Variants in POF1B observed in about 807,000 individuals in gnomAD.
The protein encoded by POF1B is protein POF1B.
Under a neutral mutation model 55.3 loss-of-function variants are expected in POF1B, and 53 were observed. That is an observed-to-expected ratio of 0.96 (90% CI 0.77 to 1.20). The LOEUF (loss-of-function observed/expected upper bound fraction) is 1.20, where lower values mean the gene tolerates loss of function less well. Among genes scored for constraint, POF1B ranks in the 50% most tolerant of loss-of-function variants. POF1B has a pLI of 0.00. For synonymous variants in POF1B, 188 were observed against 148.3 expected (o/e 1.27, Z -1.95); for missense variants, 478 against 420.5 (o/e 1.14, Z -1.20).
At chrX:85,288,019 A>C (rs905295511) in intron 15 of POF1B, among the ~76,000 whole-genome samples, 1 of 111,916 alleles carries the variant, frequency 8.9e-6, no homozygotes, top group Non-Finnish European at 1.9e-5. Context: ...AGAATGGAGA[A>C]GTAAGGAGTT....
chrX:85,343,993 C>T (rs780278520), intron 6 of POF1B, among the ~76,000 whole-genome samples: 1 of 111,237 alleles, frequency 9.0e-6, no homozygotes, highest in East Asian at 2.8e-4. Context: ...ATAAGGACAA[C>T]AATAGCACCT....
chrX:85,296,382 A>C (rs374793636), intron 15 of POF1B, among the ~76,000 whole-genome samples: 1 of 111,976 alleles, frequency 8.9e-6, no homozygotes, highest in Non-Finnish European at 1.9e-5. Flanking sequence ...AGATATAATT[A>C]TTTCATTTCC....
At chrX:85,303,240 G>T (rs73627352) in intron 15 of POF1B, among the ~76,000 whole-genome samples, 166 bp downstream of exon 15, 71 of 110,807 alleles carry the variant, frequency 6.4e-4, no homozygotes, top group African/African-American at 2.3e-3. Context: ...GGATTTTTTT[G>T]ACCACAATAG....
intron 11 of POF1B, 140 bp downstream of exon 11, chrX:85,307,023 G>C: frequency 2.2e-6 from 1 of 445,751 alleles, no homozygotes; most frequent in Non-Finnish European, 3.8e-6. Flanking sequence ...AATACCCAAA[G>C]CCACTCAATT....
At chrX:85,290,310 T>C (rs1256405512) in intron 15 of POF1B, among the ~76,000 whole-genome samples, 2 of 111,728 alleles carry the variant, frequency 1.8e-5, no homozygotes, top group Non-Finnish European at 3.8e-5. Context: ...GGCTGCACAG[T>C]ATTACATGGT....
chrX:85,354,230 A>C (rs1302425652), intron 4 of POF1B, among the ~76,000 whole-genome samples: 1 of 110,926 alleles, frequency 9.0e-6, no homozygotes, highest in African/African-American at 3.3e-5. Context: ...TAATATTGTA[A>C]TATAATATTT....
chrX:85,331,767 A>G (rs2147925672), intron 6 of POF1B, among the ~76,000 whole-genome samples: 1 of 111,055 alleles, frequency 9.0e-6, no homozygotes, highest in Admixed American at 9.6e-5. Context: ...GCCTCTTGCT[A>G]CCACTATTCT....
intron 15 of POF1B, among the ~76,000 whole-genome samples, chrX:85,298,521 T>G (rs971990973): frequency 8.9e-6 from 1 of 111,807 alleles, no homozygotes; most frequent in African/African-American, 3.3e-5. Flanking sequence ...TTTTCCCAGC[T>G]TTCTCCCTAT....
At chrX:85,312,305 T>C (rs751318750) in intron 9 of POF1B, among the ~76,000 whole-genome samples, 1 of 112,253 alleles carries the variant, frequency 8.9e-6, no homozygotes, top group East Asian at 2.8e-4. Flanking sequence ...TTTATGGTTT[T>C]AGGTCTTACC....
Position 85,304,353 on chromosome X carries a change from C to T in POF1B, c.1556G>A (p.Arg519His), listed in dbSNP as rs774259150. ...LLEEKDSLIK[R>H]QSEELSKLRQ... ...CCCTTCCTTTTATACCTCTGACTGA[C>T]GCTTTATGAGGGAATCCTTCTCTTC... Residue 519 changes from arginine to histidine, a missense_variant, in exon 14 of 17, where the codon CGT (arginine) becomes CAT (histidine). Coordinates refer to ENST00000262753, the MANE Select transcript of POF1B (RefSeq NM_024921.4). 2.2e-5 allele frequency: 26 copies of T among 1,181,989 alleles called. No homozygotes were observed. The Admixed American group carries it at 2.6e-4, about 12-fold the overall frequency.
intron 9 of POF1B, among the ~76,000 whole-genome samples, chrX:85,313,030 C>T (rs1317071782): frequency 8.9e-6 from 1 of 111,814 alleles, no homozygotes; most frequent in Non-Finnish European, 1.9e-5. Flanking sequence ...GATTTTGTAT[C>T]TTGAGACTTT....
intron 6 of POF1B, among the ~76,000 whole-genome samples, chrX:85,341,710 C>T (rs1351239245): frequency 9.0e-6 from 1 of 110,674 alleles, no homozygotes; most frequent in Non-Finnish European, 1.9e-5. Context: ...GACAGAACTG[C>T]TGAGTTCATT....
At chrX:85,302,519 C>G (rs1437839579) in intron 15 of POF1B, among the ~76,000 whole-genome samples, 1 of 110,951 alleles carries the variant, frequency 9.0e-6, no homozygotes, top group African/African-American at 3.3e-5. Flanking sequence ...CTTTAGAAAA[C>G]AGTATGGCAA....
chrX:85,295,072 C>CT (rs754600624), intron 15 of POF1B, among the ~76,000 whole-genome samples: 4 of 111,400 alleles, frequency 3.6e-5, no homozygotes, highest in South Asian at 3.7e-4. Flanking sequence ...GTAAAGCCAT[C>CT]TTTTTTATTT....
chrX:85,307,083 C>G, intron 11 of POF1B, 80 bp downstream of exon 11: 1 of 761,633 alleles, frequency 1.3e-6, no homozygotes, highest in Non-Finnish European at 1.9e-6. Flanking sequence ...TTGATTATAT[C>G]TCATAACTCC....
Position 85,279,299 on chromosome X carries a change from T to C in POF1B, c.*122A>G. 1.5e-6 allele frequency: 1 copy of C among 685,878 alleles called. No homozygotes were observed. Among genetic ancestry groups the C allele is most frequent in the Non-Finnish European group, 2.2e-6 (1 of 452,398 alleles). 56.5% of individuals were successfully genotyped at this position (685,878 alleles called of 1,213,427 possible). A position where few individuals can be genotyped will look rare whatever the true frequency, so the allele number is the denominator to read the frequency against. ...AATTCATTCCATTAGATTTCTTGGG[T>C]AGCAGCATGGTTCCAAATTCTGATT... On this transcript the variant is annotated 3_prime_UTR_variant, in exon 17 of 17. Coordinates refer to ENST00000262753, the MANE Select transcript of POF1B (RefSeq NM_024921.4).
chrX:85,325,521 TA>T (rs1466652034), intron 7 of POF1B, among the ~76,000 whole-genome samples: 1 of 112,408 alleles, frequency 8.9e-6, no homozygotes, highest in Non-Finnish European at 1.9e-5. Flanking sequence ...TCAGCTCTAT[TA>T]AATCAGTTTG....
intron 13 of POF1B, among the ~76,000 whole-genome samples, chrX:85,304,802 C>T (rs1475892258): frequency 9.0e-6 from 1 of 111,361 alleles, no homozygotes; most frequent in African/African-American, 3.2e-5. Context: ...TAACAAATTA[C>T]TACTATTATA....
chrX:85,286,657 T>A (rs1789979037), intron 15 of POF1B, among the ~76,000 whole-genome samples: 1 of 111,471 alleles, frequency 9.0e-6, no homozygotes, highest in Admixed American at 9.6e-5. Flanking sequence ...GTTATATAAA[T>A]ATCAGATGAA....
Sources: gnomAD v4.1 joint callset for allele counts (sites outside exome capture counted in the v4.1 genomes callset) on GRCh38, gnomAD v4.1.1 for gene constraint, MANE v1.5 for transcripts, NCBI Gene and HGNC (gene_info 2026-07-23, HGNC 2026-07-21) for gene names.